RNF115: variants seen among roughly 807,000 people sequenced by gnomAD.
The protein encoded by RNF115 is ring finger protein 115, also known as E3 ubiquitin-protein ligase RNF115.
Under a neutral mutation model 39.2 loss-of-function variants are expected in RNF115, and 31 were observed. The ratio of observed to expected loss-of-function variants is 0.79; its 90% CI spans 0.59 to 1.07. The LOEUF (loss-of-function observed/expected upper bound fraction) is 1.07. RNF115 is among the 50% of genes least tolerant of loss of function. The pLI, the probability that RNF115 is intolerant of heterozygous loss-of-function variation, is 0.00. For synonymous variants in RNF115, 124 were observed against 131.0 expected, an observed-to-expected ratio of 0.95 and a Z score of 0.37; for missense variants, 384 against 381.7, an observed-to-expected ratio of 1.01 and a Z score of -0.05.
intron 1 of RNF115, among the ~76,000 whole-genome samples, chr1:145,811,883 C>CAAAAAAAA (rs67086842): frequency 2.2e-3 from 80 of 35,840 alleles, no homozygotes; most frequent in Non-Finnish European, 3.2e-3. Context: ...TTCTGTCTCA[C>CAAAAAAAA]AAAAAAAAAA....
At chr1:145,778,411 A>G (rs922659246) in intron 3 of RNF115, among the ~76,000 whole-genome samples, 7 of 152,188 alleles carry the variant, frequency 4.6e-5, no homozygotes, top group Non-Finnish European at 8.8e-5. Flanking sequence ...CAGTGGTAAT[A>G]GTTGTATAAC....
intron 4 of RNF115, among the ~76,000 whole-genome samples, chr1:145,766,372 GAA>G (rs1354004681): frequency 2.0e-5 from 3 of 152,104 alleles, no homozygotes; most frequent in African/African-American, 4.8e-5. Context: ...AGAACAAAAT[GAA>G]AAGTCTCCCA....
chr1:145,775,260 T>C (rs1210878754), intron 3 of RNF115, among the ~76,000 whole-genome samples: 4 of 152,164 alleles, frequency 2.6e-5, no homozygotes, highest in Non-Finnish European at 4.4e-5. Flanking sequence ...TATACACACA[T>C]ACCTACAGTA....
chr1:145,781,367 A>C (rs1308331709), intron 3 of RNF115, among the ~76,000 whole-genome samples: 1 of 152,204 alleles, frequency 6.6e-6, no homozygotes, highest in Non-Finnish European at 1.5e-5. Context: ...GAAAAGAAAA[A>C]CAACTTTAGT....
intron 3 of RNF115, among the ~76,000 whole-genome samples, chr1:145,780,239 C>T (rs1360070131): frequency 6.9e-6 from 1 of 145,752 alleles, no homozygotes; most frequent in East Asian, 2.1e-4. Context: ...AAAAAACAAA[C>T]AAAAAAGAGC....
chr1:145,793,561 C>A (rs1393227040), intron 1 of RNF115, among the ~76,000 whole-genome samples: 1 of 152,062 alleles, frequency 6.6e-6, no homozygotes, highest in African/African-American at 2.4e-5. Flanking sequence ...ATCTCTATCC[C>A]AGGCCAGTCT....
intron 8 of RNF115, among the ~76,000 whole-genome samples, chr1:145,747,238 T>C (rs1304499039): frequency 6.6e-6 from 1 of 152,164 alleles, no homozygotes; most frequent in African/African-American, 2.4e-5. Flanking sequence ...TAATAACAGC[T>C]AATACATACC....
At chr1:145,774,985 G>A (rs587773624) in intron 3 of RNF115, among the ~76,000 whole-genome samples, 1 of 152,282 alleles carries the variant, frequency 6.6e-6, no homozygotes, top group East Asian at 1.9e-4. Flanking sequence ...AGTGGCTTAT[G>A]CCTGTAATCC....
At chr1:145,773,230 T>C (rs782661989) in intron 3 of RNF115, 2 of 152,212 alleles carry the variant, frequency 1.3e-5, no homozygotes, top group Non-Finnish European at 2.9e-5. Flanking sequence ...TCTGTTCATT[T>C]CTTTTTTCTT....
At chr1:145,770,798 A>T (rs1571733313) in intron 4 of RNF115, among the ~76,000 whole-genome samples, 1 of 152,230 alleles carries the variant, frequency 6.6e-6, no homozygotes, top group Non-Finnish European at 1.5e-5. Flanking sequence ...AACGTTTATT[A>T]TTCCAACTAA....
chr1:145,742,210 A>T lies in RNF115; in HGVS notation c.*4656T>A, dbSNP rs1484228101. ...GACTATGCTTCCCTCCTGATTTATTAAGACCGACATATTTAATTTGCATTT... is the reference window on the plus strand; with the variant it reads ...GACTATGCTTCCCTCCTGATTTATTTAGACCGACATATTTAATTTGCATTT... On this transcript the variant is annotated 3_prime_UTR_variant, in exon 9 of 9. Transcript: ENST00000582693. The T allele has an allele frequency of 6.6e-6, 1 of 152,180 alleles. No homozygotes were observed. Among genetic ancestry groups the T allele is most frequent in the African/African-American group, 2.4e-5 (1 of 41,442 alleles). 9.4% of individuals were successfully genotyped at this position (152,180 alleles called of 1,614,324 possible).
At chr1:145,784,952 A>G (rs1553717947) in intron 2 of RNF115, among the ~76,000 whole-genome samples, 1 of 152,230 alleles carries the variant, frequency 6.6e-6, no homozygotes, top group African/African-American at 2.4e-5. Context: ...CTAAAAAACC[A>G]TTCAACCACC....
rs1265712935 is a variant in RNF115, at chr1:145,744,768, G to C, written c.*2098C>G. 6.6e-6 allele frequency: 1 copy of C among 152,138 alleles called. No homozygotes were observed. Among genetic ancestry groups the C allele is most frequent in the African/African-American group, 2.4e-5 (1 of 41,426 alleles). 9.4% of individuals were successfully genotyped at this position (152,138 alleles called of 1,614,324 possible). ...GTGACAATACAAATGGTGCCCCTCT[G>C]TACCTTTTTTTGGTACACCAACAGT... On this transcript the variant is annotated 3_prime_UTR_variant, in exon 9 of 9. Transcript: ENST00000582693.
At chr1:145,772,446 T>TG (rs1647685952) in intron 3 of RNF115, 1 of 153,016 alleles carries the variant, frequency 6.5e-6, no homozygotes, top group Non-Finnish European at 1.5e-5. Context: ...ATTGTTTATC[T>TG]GGGTATGTCA....
At chr1:145,796,012 A>T (rs1648961699) in intron 1 of RNF115, among the ~76,000 whole-genome samples, 1 of 152,222 alleles carries the variant, frequency 6.6e-6, no homozygotes, top group African/African-American at 2.4e-5. Flanking sequence ...GTCTGATTTC[A>T]GAACAAAGTC....
Position 145,751,412 on chromosome 1 carries a change from GAC to G in RNF115, c.573+24_573+25del, listed in dbSNP as rs782233900. ...GTGGAACCATGAGACACACTGAACA[GAC>G]ACCCTCAAAAGGCAGCTCCTCACCT... On this transcript the variant is annotated intron_variant, in intron 6 of 8. Transcript: ENST00000582693. 2.6e-6 allele frequency: 4 copies of G among 1,521,728 alleles called. No individual in the cohort carries two copies. In the South Asian group the frequency reaches 3.6e-5, roughly 14 times the overall value. 94.3% of individuals were successfully genotyped at this position (1,521,728 alleles called of 1,614,324 possible).
intron 2 of RNF115, chr1:145,787,151 C>G (rs1311407267): frequency 3.6e-6 from 2 of 556,598 alleles, no homozygotes; most frequent in East Asian, 6.8e-5. Flanking sequence ...ATTACAGATT[C>G]TTTTTGACCA....
chr1:145,769,760 T>TAAAAAAA (rs11286047), intron 4 of RNF115, among the ~76,000 whole-genome samples: 1 of 125,582 alleles, frequency 8.0e-6, no homozygotes, highest in African/African-American at 3.1e-5. Context: ...TAAAAATCCT[T>TAAAAAAA]AAAAAAAAAA....
At chr1:145,812,157 A>G (rs2101605366) in intron 1 of RNF115, among the ~76,000 whole-genome samples, 1 of 148,160 alleles carries the variant, frequency 6.7e-6, no homozygotes, top group African/African-American at 2.4e-5. Flanking sequence ...TTGAGAATGT[A>G]AATTCTAAGC....
Sources: gnomAD v4.1 joint callset for allele counts (sites outside exome capture counted in the v4.1 genomes callset) on GRCh38, gnomAD v4.1.1 for gene constraint, MANE v1.5 for transcripts, NCBI Gene and HGNC (gene_info 2026-07-23, HGNC 2026-07-21) for gene names.